PALM2AKAP2: variants seen among roughly 807,000 people sequenced by gnomAD.
PALM2AKAP2 encodes the protein PALM2 and AKAP2 fusion, also known as PALM2-AKAP2 fusion protein.
In PALM2AKAP2, 37 loss-of-function variants were observed where a neutral mutation model predicts 71.5. The ratio of observed to expected loss-of-function variants is 0.52; its 90% CI spans 0.40 to 0.68. The LOEUF (loss-of-function observed/expected upper bound fraction) is 0.68. PALM2AKAP2 is among the 30% of genes least tolerant of loss of function. The probability of loss-of-function intolerance (pLI) is 0.00; values close to 1 mark genes in which losing one functional copy is unlikely to be tolerated. For synonymous variants in PALM2AKAP2, 468 were observed against 478.8 expected (o/e 0.98, Z 0.29); for missense variants, 1,224 against 1,191.8 (o/e 1.03, Z -0.40).
intron 3 of PALM2AKAP2, among the ~76,000 whole-genome samples, chr9:109,906,877 G>A (rs1830457678): frequency 6.6e-6 from 1 of 152,186 alleles, no homozygotes; most frequent in Admixed American, 6.5e-5. Flanking sequence ...ACTCATTAGT[G>A]TGGCATTCAA....
intron 1 of PALM2AKAP2, among the ~76,000 whole-genome samples, chr9:109,697,119 A>G (rs958916090): frequency 6.6e-6 from 1 of 152,170 alleles, no homozygotes; most frequent in African/African-American, 2.4e-5. Flanking sequence ...CACCTAAGAC[A>G]TTCATCAACA....
chr9:110,070,930 C>T (rs903324397), intron 1 of PALM2AKAP2, among the ~76,000 whole-genome samples: 5 of 151,858 alleles, frequency 3.3e-5, no homozygotes, highest in Non-Finnish European at 7.4e-5. Context: ...GGGAGGCTGA[C>T]GTGGGTGGAT....
chr9:110,171,742 C>A (rs1209396385), exon 4 of PALM2AKAP2: 1 of 152,560 alleles, frequency 6.6e-6, no homozygotes, highest in Non-Finnish European at 1.5e-5. Flanking sequence ...AAATAGCACA[C>A]AAGCTTGTTA....
intron 2 of PALM2AKAP2, among the ~76,000 whole-genome samples, chr9:109,878,073 A>G (rs186802447): frequency 6.6e-6 from 1 of 152,328 alleles, no homozygotes; most frequent in Non-Finnish European, 1.5e-5. Flanking sequence ...AATGGTTCTG[A>G]ATGTTTTGTA....
At chr9:109,973,080 C>G (rs1255889671) in intron 6 of PALM2AKAP2, among the ~76,000 whole-genome samples, 1 of 151,992 alleles carries the variant, frequency 6.6e-6, no homozygotes, top group African/African-American at 2.4e-5. Flanking sequence ...ACTGCTATAC[C>G]CTAATAGAAT....
At chr9:110,153,110 G>A (rs1836364193) in intron 2 of PALM2AKAP2, among the ~76,000 whole-genome samples, 3 of 152,180 alleles carry the variant, frequency 2.0e-5, no homozygotes, top group African/African-American at 7.2e-5. Flanking sequence ...GACCTCTAGT[G>A]GCTAGAACTG....
chr9:109,996,677 G>A (rs1310210372), intron 6 of PALM2AKAP2, among the ~76,000 whole-genome samples: 1 of 152,242 alleles, frequency 6.6e-6, no homozygotes, highest in Non-Finnish European at 1.5e-5. Context: ...CTATGACAGA[G>A]AAAAGCTCTT....
intron 1 of PALM2AKAP2, among the ~76,000 whole-genome samples, chr9:109,689,110 G>A (rs1231777166): frequency 6.6e-6 from 1 of 151,998 alleles, no homozygotes; most frequent in Non-Finnish European, 1.5e-5. Context: ...AGAACTAAGC[G>A]AGTTCAGTGG....
At chr9:109,766,852 C>T (rs1436530895) in intron 1 of PALM2AKAP2, among the ~76,000 whole-genome samples, 1 of 152,136 alleles carries the variant, frequency 6.6e-6, no homozygotes, top group Non-Finnish European at 1.5e-5. Context: ...GGTTAAGTAC[C>T]TTGCCCAGGG....
chr9:109,970,397 C>T (rs371470756), intron 6 of PALM2AKAP2, among the ~76,000 whole-genome samples: 114 of 152,296 alleles, frequency 7.5e-4, no homozygotes, highest in African/African-American at 2.6e-3. Flanking sequence ...CTTTGAGGAG[C>T]GCTGCCTTAG....
At chr9:109,758,015 C>G (rs74914802) in intron 1 of PALM2AKAP2, among the ~76,000 whole-genome samples, 1 of 152,030 alleles carries the variant, frequency 6.6e-6, no homozygotes, top group Admixed American at 6.6e-5. Context: ...TAAACAAACC[C>G]TAATACCAGT....
At chr9:109,871,316 T>C (rs1249235169) in intron 2 of PALM2AKAP2, among the ~76,000 whole-genome samples, 1 of 152,164 alleles carries the variant, frequency 6.6e-6, no homozygotes, top group East Asian at 1.9e-4. Flanking sequence ...TACTAACTGC[T>C]ACATCCCAGT....
intron 1 of PALM2AKAP2, among the ~76,000 whole-genome samples, chr9:109,734,340 G>A (rs1440585251): frequency 6.6e-6 from 1 of 152,094 alleles, no homozygotes. Flanking sequence ...TATAAAGAGA[G>A]TAAATTACAA....
At chr9:110,159,775 A>C (rs1433398891) in intron 3 of PALM2AKAP2, among the ~76,000 whole-genome samples, 1 of 152,146 alleles carries the variant, frequency 6.6e-6, no homozygotes, top group Non-Finnish European at 1.5e-5. Context: ...GGTCCTGTCC[A>C]CAGGGACTCA....
intron 1 of PALM2AKAP2, among the ~76,000 whole-genome samples, chr9:110,120,790 C>T (rs1371644948): frequency 1.3e-5 from 2 of 152,266 alleles, no homozygotes; most frequent in Non-Finnish European, 2.9e-5. Flanking sequence ...CAGGCATAAG[C>T]CACTGCGCCC....
chr9:109,781,162 C>A (rs1053973362), intron 1 of PALM2AKAP2, among the ~76,000 whole-genome samples: 3 of 152,200 alleles, frequency 2.0e-5, no homozygotes, highest in Admixed American at 6.5e-5. Flanking sequence ...AACCTATTTT[C>A]AGCCTACAAA....
chr9:109,724,911 A>G (rs1293753304), intron 1 of PALM2AKAP2, among the ~76,000 whole-genome samples: 1 of 152,196 alleles, frequency 6.6e-6, no homozygotes, highest in Non-Finnish European at 1.5e-5. Flanking sequence ...CCTGAAAAAA[A>G]CAGTGTTAAA....
chr9:110,024,837 T>C, intron 7 of PALM2AKAP2: 1 of 705,212 alleles, frequency 1.4e-6, no homozygotes, highest in Middle Eastern at 3.8e-4. Flanking sequence ...TTTTTTTTTT[T>C]AACAGCCCAG....
intron 1 of PALM2AKAP2, among the ~76,000 whole-genome samples, chr9:109,844,547 T>C (rs968766873): frequency 3.3e-5 from 5 of 152,236 alleles, no homozygotes; most frequent in African/African-American, 1.2e-4. Flanking sequence ...GGAAGCTGGG[T>C]AATGAATAGA....
Sources: allele counts gnomAD v4.1 joint callset (sites outside exome capture counted in the v4.1 genomes callset), GRCh38; gene constraint gnomAD v4.1.1; transcripts MANE v1.5; gene names NCBI Gene and HGNC (gene_info 2026-07-23, HGNC 2026-07-21).